TFEC: variants seen among roughly 807,000 people sequenced by gnomAD.
TFEC encodes the protein class E basic helix-loop-helix protein 34.
A neutral mutation model predicts 41.6 loss-of-function variants in TFEC; 31 were observed. The ratio of observed to expected loss-of-function variants is 0.74; its 90% CI spans 0.56 to 1.01. The LOEUF is 1.01. TFEC is among the 50% of genes least tolerant of loss of function. TFEC has a pLI of 0.00. For synonymous variants in TFEC, 143 were observed against 140.6 expected, an observed-to-expected ratio of 1.02 and a Z score of -0.12; for missense variants, 402 against 404.1, an observed-to-expected ratio of 0.99 and a Z score of 0.04.
chr7:115,969,566 T>C (rs751538520), intron 3 of TFEC, among the ~76,000 whole-genome samples: 3 of 151,938 alleles, frequency 2.0e-5, no homozygotes, highest in East Asian at 1.9e-4. Flanking sequence ...AAGGATGCCA[T>C]TGAATCCAGA....
chr7:115,998,223 G>T (rs1794444325), intron 1 of TFEC, among the ~76,000 whole-genome samples: 1 of 152,042 alleles, frequency 6.6e-6, no homozygotes, highest in African/African-American at 2.4e-5. Context: ...AAAATTTTAT[G>T]CAGTCAGTGG....
chr7:115,999,840 C>A (rs1017802035), intron 1 of TFEC, among the ~76,000 whole-genome samples: 1 of 70,898 alleles, frequency 1.4e-5, no homozygotes. Context: ...AATAAGTCTC[C>A]TAGCAAAAAA....
intron 1 of TFEC, among the ~76,000 whole-genome samples, chr7:115,989,098 A>G (rs996249464): frequency 6.6e-6 from 1 of 152,218 alleles, no homozygotes; most frequent in Non-Finnish European, 1.5e-5. Flanking sequence ...GCCTTACAAG[A>G]AATGCTTTTA....
At chr7:116,078,254 C>A (rs1205433219) in intron 3 of TFEC, among the ~76,000 whole-genome samples, 1 of 151,690 alleles carries the variant, frequency 6.6e-6, no homozygotes, top group African/African-American at 2.4e-5. Flanking sequence ...CACAAATGGG[C>A]AATCTAAGGT....
chr7:116,003,422 A>G (rs757151439), intron 1 of TFEC, among the ~76,000 whole-genome samples: 10 of 152,148 alleles, frequency 6.6e-5, no homozygotes, highest in South Asian at 2.1e-4. Context: ...AAAAAGATCA[A>G]TATTCTAAAA....
intron 3 of TFEC, among the ~76,000 whole-genome samples, chr7:116,047,328 AGC>A (rs1796192096): frequency 1.3e-5 from 2 of 152,190 alleles, no homozygotes; most frequent in Non-Finnish European, 2.9e-5. Context: ...CAATGGTCTT[AGC>A]AAACGGCACA....
chr7:115,989,963 G>A (rs1183762147), intron 1 of TFEC, among the ~76,000 whole-genome samples: 1 of 152,116 alleles, frequency 6.6e-6, no homozygotes, highest in Non-Finnish European at 1.5e-5. Context: ...AACCTAACTG[G>A]CAGGTACCTC....
intron 1 of TFEC, among the ~76,000 whole-genome samples, chr7:116,135,176 C>T (rs1798410638): frequency 6.6e-6 from 1 of 152,040 alleles, no homozygotes; most frequent in Non-Finnish European, 1.5e-5. Flanking sequence ...GCAATGAAAA[C>T]ATTAAAATCT....
In TFEC at chr7:116,145,306, C is replaced by T. The variant is rs143883721; in HGVS notation, c.-69+14484G>A. Among the ~76,000 whole-genome samples, 191 of 152,154 alleles carry T rather than the reference C, an allele frequency of 1.3e-3. 2 individuals are homozygous for T. In the East Asian group the frequency reaches 0.03, roughly 24 times the overall value. ...GTAAATTGATATCTACAAATCTCAC[C>T]CCCACCCCTGAGCTAACTGATGATT... On this transcript the variant is annotated intron_variant, in intron 1 of 8. Coordinates refer to the TFEC transcript ENST00000484212.
At chr7:116,030,991 T>C (rs1795766338), upstream of TFEC, among the ~76,000 whole-genome samples, 1 of 152,142 alleles carries the variant, frequency 6.6e-6, no homozygotes, top group African/African-American at 2.4e-5. Context: ...AAGCTCTTGT[T>C]GGTCCCATTG....
At chr7:116,062,626 G>A in intron 3 of TFEC, among the ~76,000 whole-genome samples, 1 of 136,914 alleles carries the variant, frequency 7.3e-6, no homozygotes, top group South Asian at 2.4e-4. Flanking sequence ...GTTGATTGAT[G>A]GGCATTGGGC....
intron 1 of TFEC, among the ~76,000 whole-genome samples, chr7:116,004,242 A>T (rs1794704921): frequency 6.6e-6 from 1 of 152,212 alleles, no homozygotes. Context: ...TAACTAAGAA[A>T]GTTAACTAAA....
intron 1 of TFEC, among the ~76,000 whole-genome samples, chr7:116,133,941 A>C (rs910989245): frequency 6.6e-5 from 10 of 152,208 alleles, no homozygotes; most frequent in Non-Finnish European, 7.3e-5. Context: ...GCAACAACAA[A>C]AAAAAATTAG....
chr7:115,958,858 T>C (rs1195976573), intron 3 of TFEC, among the ~76,000 whole-genome samples: 7 of 151,902 alleles, frequency 4.6e-5, no homozygotes, highest in African/African-American at 1.4e-4. Flanking sequence ...TTGAATATCA[T>C]TAAACAATTG....
rs551589262 is a variant in TFEC at position 116,108,165 on chromosome 7, ATTATT to A, written c.198+2538_198+2542del. ...AAATAATTATAAACAGAACATTCTG[ATTATT>A]TTAAGACGCAAAGGTATTTTAAAGC... On this transcript the variant is annotated intron_variant, in intron 3 of 8. Coordinates refer to the TFEC transcript ENST00000484212. Among the ~76,000 whole-genome samples, 609 of 152,312 alleles carry A rather than the reference ATTATT, an allele frequency of 4.0e-3. 4 individuals carry two copies. The highest frequency in any genetic ancestry group is 0.014 in the African/African-American group (575 of 41,590).
intron 1 of TFEC, among the ~76,000 whole-genome samples, chr7:116,137,458 T>C (rs1798454294): frequency 6.6e-6 from 1 of 152,126 alleles, no homozygotes; most frequent in Non-Finnish European, 1.5e-5. Context: ...GAGACTTGGA[T>C]GTGAGTATAG....
chr7:115,941,125 A>C (rs1793473735), intron 7 of TFEC, 194 bp from the exon 8 acceptor site: 2 of 574,892 alleles, frequency 3.5e-6, no homozygotes, highest in Non-Finnish European at 5.7e-6. Flanking sequence ...TGAGAAAATT[A>C]CTCAGACTTT....
chr7:116,139,136 T>G (rs1403091526), intron 1 of TFEC, among the ~76,000 whole-genome samples: 1 of 152,062 alleles, frequency 6.6e-6, no homozygotes, highest in Non-Finnish European at 1.5e-5. Flanking sequence ...TCCTACAAGG[T>G]GTCTCAAAAT....
chr7:115,963,897 G>A (rs1305486896), intron 3 of TFEC, among the ~76,000 whole-genome samples: 1 of 151,616 alleles, frequency 6.6e-6, no homozygotes, highest in East Asian at 1.9e-4. Context: ...ACTTAAAAAT[G>A]TTTAGAATGG....
Sources: gnomAD v4.1 joint callset for allele counts (sites outside exome capture counted in the v4.1 genomes callset) on GRCh38, gnomAD v4.1.1 for gene constraint, MANE v1.5 for transcripts, NCBI Gene and HGNC (gene_info 2026-07-23, HGNC 2026-07-21) for gene names.